ROBO2: variants seen among roughly 807,000 people sequenced by gnomAD.
ROBO2 encodes roundabout homolog 2.
Under a neutral mutation model 160.8 loss-of-function variants are expected in ROBO2, and 53 were observed. That is an observed-to-expected ratio of 0.33 (90% confidence interval 0.26 to 0.41). The LOEUF (loss-of-function observed/expected upper bound fraction) is 0.41. Among genes scored for constraint, ROBO2 ranks in the 10% least tolerant of loss-of-function variants. The pLI is 1.00. For missense variants in ROBO2, 1,577 were observed against 1,722.4 expected (o/e 0.92, Z 1.49); for synonymous variants, 664 against 611.7 (o/e 1.09, Z -1.26).
intron 2 of ROBO2, among the ~76,000 whole-genome samples, chr3:77,026,735 A>C (rs2062991015): frequency 6.6e-6 from 1 of 152,230 alleles, no homozygotes; most frequent in African/African-American, 2.4e-5. Context: ...AGAAAAGCAA[A>C]GTATCTTTAT....
chr3:76,579,305 A>T (rs1217319273), intron 2 of ROBO2, among the ~76,000 whole-genome samples: 1 of 152,090 alleles, frequency 6.6e-6, no homozygotes, highest in Non-Finnish European at 1.5e-5. Flanking sequence ...TCTCCAGTAT[A>T]TTTTTTAATT....
At chr3:76,810,649 A>T (rs2065088975) in intron 2 of ROBO2, among the ~76,000 whole-genome samples, 1 of 152,146 alleles carries the variant, frequency 6.6e-6, no homozygotes, top group Admixed American at 6.6e-5. Flanking sequence ...ATTTAAAAGG[A>T]TTCAAGACTA....
chr3:77,433,171 A>G (rs2078949539), intron 2 of ROBO2, among the ~76,000 whole-genome samples: 1 of 152,024 alleles, frequency 6.6e-6, no homozygotes, highest in Admixed American at 6.6e-5. Flanking sequence ...CACCTTGCAG[A>G]CATGAGTTGA....
intron 2 of ROBO2, among the ~76,000 whole-genome samples, chr3:76,634,625 C>A (rs1017357380): frequency 2.0e-5 from 3 of 151,604 alleles, no homozygotes; most frequent in Non-Finnish European, 2.9e-5. Flanking sequence ...ACTCTAATGG[C>A]CTCATTTTTG....
intron 16 of ROBO2, among the ~76,000 whole-genome samples, chr3:77,587,585 TG>T (rs1316343540): frequency 1.5e-4 from 23 of 152,154 alleles, no homozygotes; most frequent in East Asian, 3.9e-4. Flanking sequence ...ACAATACTGG[TG>T]CCAACTAATT....
At chr3:77,235,355 A>ATTTTTT (rs35778905) in intron 2 of ROBO2, among the ~76,000 whole-genome samples, 1 of 143,740 alleles carries the variant, frequency 7.0e-6, no homozygotes, top group Non-Finnish European at 1.5e-5. Flanking sequence ...AGAGGAGAAT[A>ATTTTTT]TTTTTTTTTT....
chr3:77,297,837 A>G (rs1440021651), intron 2 of ROBO2, among the ~76,000 whole-genome samples: 2 of 152,168 alleles, frequency 1.3e-5, no homozygotes, highest in Non-Finnish European at 2.9e-5. Flanking sequence ...AAGGAAACAG[A>G]CCTTGAACAT....
intron 2 of ROBO2, among the ~76,000 whole-genome samples, chr3:77,382,650 TACAA>T (rs2073655700): frequency 6.6e-6 from 1 of 152,164 alleles, no homozygotes; most frequent in Non-Finnish European, 1.5e-5. Context: ...ACCTCCCACT[TACAA>T]GTGAGAACAT....
At chr3:77,618,716 TAGAA>T (rs764124742) in intron 22 of ROBO2, among the ~76,000 whole-genome samples, 1 of 152,114 alleles carries the variant, frequency 6.6e-6, no homozygotes, top group Non-Finnish European at 1.5e-5. Flanking sequence ...TAACTATACA[TAGAA>T]AGAGATACCA....
At chr3:77,248,285 C>T (rs1580355819) in intron 2 of ROBO2, among the ~76,000 whole-genome samples, 1 of 152,170 alleles carries the variant, frequency 6.6e-6, no homozygotes, top group East Asian at 1.9e-4. Context: ...GTTCATGCAA[C>T]CTCATTCCTT....
At chr3:76,559,021 A>G (rs980069075) in intron 2 of ROBO2, among the ~76,000 whole-genome samples, 41 of 152,258 alleles carry the variant, frequency 2.7e-4, no homozygotes, top group African/African-American at 9.1e-4. Context: ...CCAGGGTAAC[A>G]TCCAGAATCC....
chr3:76,574,435 A>G (rs905626411), intron 2 of ROBO2, among the ~76,000 whole-genome samples: 11 of 152,120 alleles, frequency 7.2e-5, no homozygotes, highest in African/African-American at 2.2e-4. Context: ...AAAACTTTCA[A>G]TGATGTTAGC....
At chr3:75,958,666 G>A (rs1404151456) in intron 2 of ROBO2, among the ~76,000 whole-genome samples, 1 of 151,632 alleles carries the variant, frequency 6.6e-6, no homozygotes, top group Non-Finnish European at 1.5e-5. Flanking sequence ...GGTAAAAGTA[G>A]GTAGGATTTT....
chr3:77,055,861 G>A (rs187786734), intron 1 of ROBO2, among the ~76,000 whole-genome samples: 1 of 152,080 alleles, frequency 6.6e-6, no homozygotes, highest in East Asian at 1.9e-4. Flanking sequence ...TGTTTATAAG[G>A]TGAACTTTGG....
At chr3:76,983,145 C>A (rs6804614) in intron 2 of ROBO2, among the ~76,000 whole-genome samples, 4,834 of 152,034 alleles carry the variant, frequency 0.032, 255 homozygotes, top group African/African-American at 0.11. Context: ...ATTAGCCGGG[C>A]GTGGTGGCTC....
intron 8 of ROBO2, among the ~76,000 whole-genome samples, chr3:77,552,752 A>G (rs2092964626): frequency 6.6e-6 from 1 of 152,022 alleles, no homozygotes; most frequent in Non-Finnish European, 1.5e-5. Context: ...AAGAAATGAA[A>G]CTATAAGAAC....
intron 2 of ROBO2, among the ~76,000 whole-genome samples, chr3:77,378,726 G>C (rs546768324): frequency 6.6e-6 from 1 of 152,212 alleles, no homozygotes; most frequent in Non-Finnish European, 1.5e-5. Flanking sequence ...ATTTTCTCTT[G>C]TGCCGTCTCT....
intron 2 of ROBO2, among the ~76,000 whole-genome samples, chr3:76,453,759 A>G (rs983964210): frequency 6.6e-6 from 1 of 152,170 alleles, no homozygotes; most frequent in Non-Finnish European, 1.5e-5. Context: ...ACAAAAGGTT[A>G]CCCTAAGTAT....
intron 2 of ROBO2, among the ~76,000 whole-genome samples, chr3:76,567,664 T>C (rs1409836423): frequency 3.1e-5 from 4 of 129,028 alleles, no homozygotes; most frequent in East Asian, 2.3e-4. Flanking sequence ...CACATACACA[T>C]ATATATACAT....
Sources: gnomAD v4.1 joint callset for allele counts (sites outside exome capture counted in the v4.1 genomes callset) on GRCh38, gnomAD v4.1.1 for gene constraint, MANE v1.5 for transcripts, NCBI Gene and HGNC (gene_info 2026-07-23, HGNC 2026-07-21) for gene names.